SMARCA2: variants seen among roughly 807,000 people sequenced by gnomAD.
The protein encoded by SMARCA2 is SWI/SNF related BAF chromatin remodeling complex subunit ATPase 2.
A neutral mutation model predicts 199.8 loss-of-function variants in SMARCA2; 61 were observed. The observed-to-expected ratio is 0.31, with a 90% CI of 0.25 to 0.38. SMARCA2 has a LOEUF of 0.38. SMARCA2 is among the 10% of genes least tolerant of loss of function. The pLI, the probability that SMARCA2 is intolerant of heterozygous loss-of-function variation, is 1.00. For missense variants in SMARCA2, 1,344 were observed against 2,012.2 expected (o/e 0.67, Z 6.35); for synonymous variants, 935 against 732.0 (o/e 1.28, Z -4.48).
intron 18 of SMARCA2, 88 bp from the exon 19 acceptor site, chr9:2,088,412 T>C (rs571428163): frequency 2.1e-6 from 3 of 1,437,434 alleles, no homozygotes; most frequent in African/African-American, 2.9e-5. Context: ...CAATCATGTA[T>C]TGAACCACAC....
intron 27 of SMARCA2, chr9:2,159,501 T>C: frequency 4.3e-6 from 1 of 231,326 alleles, no homozygotes; most frequent in Non-Finnish European, 8.5e-6. Context: ...CTTGTTTTAA[T>C]TTTTTAAAAT....
chr9:2,151,288 AG>A (rs1208641224), intron 27 of SMARCA2, among the ~76,000 whole-genome samples: 2 of 151,630 alleles, frequency 1.3e-5, no homozygotes, highest in Non-Finnish European at 3.0e-5. Flanking sequence ...ATAGTTCATC[AG>A]GAGAGGGAAT....
At chr9:2,070,514 G>C in intron 10 of SMARCA2, 43 bp downstream of exon 10, 2 of 1,456,606 alleles carry the variant, frequency 1.4e-6, no homozygotes, top group East Asian at 4.5e-5. Flanking sequence ...GCTGAATGGA[G>C]TCTGTGCCAT....
At chr9:2,047,539 A>G (rs1819921461) in intron 5 of SMARCA2, 55 bp downstream of exon 5, 60 of 1,251,816 alleles carry the variant, frequency 4.8e-5, no homozygotes, top group Non-Finnish European at 6.1e-5. Context: ...CCTGCCGCCC[A>G]AGCCGAGGGG....
At chr9:2,113,104 A>G (rs975102468) in intron 24 of SMARCA2, among the ~76,000 whole-genome samples, 1 of 152,220 alleles carries the variant, frequency 6.6e-6, no homozygotes, top group African/African-American at 2.4e-5. Flanking sequence ...TGCATTGAAG[A>G]AAAATTTCTA....
At chr9:2,172,571 G>C (rs931677638) in intron 29 of SMARCA2, among the ~76,000 whole-genome samples, 4 of 152,174 alleles carry the variant, frequency 2.6e-5, no homozygotes, top group African/African-American at 9.7e-5. Context: ...GACTGGGACA[G>C]CCTGGATGAG....
chr9:2,023,205 TGCTGCC>T (rs1302854813), intron 1 of SMARCA2, among the ~76,000 whole-genome samples: 1 of 152,190 alleles, frequency 6.6e-6, no homozygotes, highest in East Asian at 1.9e-4. Flanking sequence ...ACTAATTAGC[TGCTGCC>T]GAGTTTGTTG....
At chr9:2,126,275 C>T (rs140053261) in intron 27 of SMARCA2, among the ~76,000 whole-genome samples, 34 of 152,314 alleles carry the variant, frequency 2.2e-4, no homozygotes, top group East Asian at 7.7e-4. Context: ...CCAAGAAGGA[C>T]GAAACTGTTC....
chr9:2,124,470 C>A (rs1823599998), intron 27 of SMARCA2, among the ~76,000 whole-genome samples: 1 of 152,268 alleles, frequency 6.6e-6, no homozygotes, highest in South Asian at 2.1e-4. Flanking sequence ...TTTGTACTTG[C>A]TTGGTTTGAT....
At chr9:2,155,762 A>G (rs1825329432) in intron 27 of SMARCA2, among the ~76,000 whole-genome samples, 1 of 81,774 alleles carries the variant, frequency 1.2e-5, no homozygotes, top group Non-Finnish European at 2.2e-5. Context: ...TTTTTTTCAA[A>G]AGTGATCTGA....
rs536427030 is a variant in SMARCA2 at position 2,077,645 on chromosome 9, G to C, written c.2053G>C (p.Val685Leu). 6.2e-7 allele frequency: 1 copy of C among 1,613,850 alleles called. No homozygotes were observed. The highest frequency in any genetic ancestry group is 8.5e-7 in the Non-Finnish European group (1 of 1,179,798). ...CTTTCCCAGGACAGCTAAGCAAGAC[G>C]TGGATGATGAATACAGCATGCAGTA... is the stretch of plus-strand genomic sequence containing the variant. ...KQIIETAKQDVDDEYSMQYSA... is the reference protein window; with the variant it reads ...KQIIETAKQDLDDEYSMQYSA... Residue 685 changes from valine to leucine, a missense_variant, in exon 14 of 34, where the codon GTG becomes CTG. Transcript: ENST00000349721.
At chr9:2,108,291 G>A (rs550931149) in intron 23 of SMARCA2, among the ~76,000 whole-genome samples, 1 of 152,188 alleles carries the variant, frequency 6.6e-6, no homozygotes, top group African/African-American at 2.4e-5. Flanking sequence ...TATCTGTAAA[G>A]TAGCCAGTGA....
intron 27 of SMARCA2, among the ~76,000 whole-genome samples, chr9:2,155,601 AT>A (rs1825315970): frequency 2.0e-5 from 3 of 151,806 alleles, no homozygotes; most frequent in Non-Finnish European, 4.4e-5. Flanking sequence ...TTCCAACCAA[AT>A]TGCTTTTAAC....
intron 10 of SMARCA2, 83 bp downstream of exon 10, chr9:2,070,554 A>G (rs938322382): frequency 4.2e-6 from 4 of 947,208 alleles, no homozygotes; most frequent in African/African-American, 1.6e-5. Context: ...CATGCATACT[A>G]TTTTATTCTT....
rs1465806548 is a variant in SMARCA2, at chr9:2,073,411, C to G, written c.1877+69C>G. ...AGATTTTGGTAATCTTGTACGATCT[C>G]GAAACTAAAACTACACAGCCTTTGC... is the stretch of plus-strand genomic sequence containing the variant. On this transcript the variant is annotated intron_variant, in intron 11 of 33. Coordinates refer to ENST00000349721, the MANE Select transcript of SMARCA2 (RefSeq NM_003070.5). The G allele has an allele frequency of 1.1e-5, 17 of 1,589,726 alleles. No homozygotes were observed. In the East Asian group the frequency reaches 2.5e-4, roughly 23 times the overall value.
Position 2,170,513 on chromosome 9 carries a change from T to C in SMARCA2, c.4253+41T>C. ...GTATTCCCCTATCTCTAAATACAGGTATCCCTCGTTACGTGAAACAGATTG... is the reference window on the plus strand; with the variant it reads ...GTATTCCCCTATCTCTAAATACAGGCATCCCTCGTTACGTGAAACAGATTG... On this transcript the variant is annotated intron_variant, in intron 29 of 33. Coordinates refer to ENST00000349721, the MANE Select transcript of SMARCA2 (RefSeq NM_003070.5). This position sits in a 1 kb window ranked among gnomAD's most constrained non-coding sequence, Gnocchi z 4.7. The C allele has an allele frequency of 1.2e-6, 2 of 1,613,468 alleles. No individual in the cohort carries two copies. The highest frequency in any genetic ancestry group is 1.7e-6 in the Non-Finnish European group (2 of 1,179,712).
In SMARCA2 at chr9:2,085,154, A is replaced by G. The variant is rs140304497; in HGVS notation, c.2526+958A>G. ...GAAATGTGTTCCCAGGGGAGGTTTA[A>G]TAATTGAGATGGCACTGGCAACAAT... On this transcript the variant is annotated intron_variant, in intron 17 of 33. Transcript: ENST00000349721. Among the ~76,000 whole-genome samples the G allele has an allele frequency of 8.9e-4, 135 of 152,320 alleles. 1 individual carries two copies. Among genetic ancestry groups the G allele is most frequent in the African/African-American group, 3.0e-3 (123 of 41,564 alleles).
intron 27 of SMARCA2, among the ~76,000 whole-genome samples, chr9:2,146,893 C>G (rs1231759698): frequency 6.6e-6 from 1 of 152,158 alleles, no homozygotes; most frequent in Non-Finnish European, 1.5e-5. Flanking sequence ...GTACTGCAAG[C>G]TGTTTTATCA....
intron 32 of SMARCA2, among the ~76,000 whole-genome samples, chr9:2,187,502 T>TG (rs902290058): frequency 1.3e-5 from 2 of 151,964 alleles, no homozygotes; most frequent in Non-Finnish European, 2.9e-5. Flanking sequence ...CAAGACCCTA[T>TG]CTCTACAAAA....
Sources: allele counts gnomAD v4.1 joint callset (sites outside exome capture counted in the v4.1 genomes callset), GRCh38; gene constraint gnomAD v4.1.1; non-coding constraint Gnocchi (gnomAD v3.1); transcripts MANE v1.5; gene names NCBI Gene and HGNC (gene_info 2026-07-23, HGNC 2026-07-21).